The following SLC35F4 variants were observed in gnomAD, a reference collection of about 807,000 sequenced individuals.
The protein encoded by SLC35F4 is chromosome 14 open reading frame 36.
A neutral mutation model predicts 44.2 loss-of-function variants in SLC35F4; 24 were observed. That is an observed-to-expected ratio of 0.54 (90% CI 0.39 to 0.76). The LOEUF (loss-of-function observed/expected upper bound fraction) is 0.76, where lower values mean the gene tolerates loss of function less well. SLC35F4 is among the 30% of genes least tolerant of loss of function. The pLI, the probability that SLC35F4 is intolerant of heterozygous loss-of-function variation, is 0.00. For missense variants in SLC35F4, 562 were observed against 586.1 expected (o/e 0.96, Z 0.42); for synonymous variants, 238 against 223.6 (o/e 1.06, Z -0.57).
At chr14:57,912,924 T>C (rs1008103417) in intron 1 of SLC35F4, among the ~76,000 whole-genome samples, 1 of 152,120 alleles carries the variant, frequency 6.6e-6, no homozygotes, top group African/African-American at 2.4e-5. Flanking sequence ...TCGGTTTCTT[T>C]CCTCACATAT....
At chr14:57,705,727 T>C (rs1040380000) in intron 1 of SLC35F4, among the ~76,000 whole-genome samples, 2 of 152,212 alleles carry the variant, frequency 1.3e-5, no homozygotes, top group African/African-American at 4.8e-5. Flanking sequence ...TCACCATCCC[T>C]TACTGGTCCT....
chr14:57,605,519 A>G (rs554596869), intron 1 of SLC35F4, among the ~76,000 whole-genome samples: 59 of 152,334 alleles, frequency 3.9e-4, no homozygotes, highest in African/African-American at 1.3e-3. Flanking sequence ...AATGCAAATC[A>G]GTTCAATCAC....
chr14:57,780,005 T>C (rs1273271846), intron 1 of SLC35F4, among the ~76,000 whole-genome samples: 2 of 152,096 alleles, frequency 1.3e-5, no homozygotes, highest in African/African-American at 2.4e-5. Context: ...CTAGAAGCAT[T>C]CCCCTTGAAA....
At chr14:57,851,794 G>A (rs1460417411) in intron 1 of SLC35F4, among the ~76,000 whole-genome samples, 1 of 152,178 alleles carries the variant, frequency 6.6e-6, no homozygotes, top group Non-Finnish European at 1.5e-5. Context: ...ACGCACCAGT[G>A]TTGGTTTCTT....
At chr14:57,673,855 A>G (rs752395891) in intron 1 of SLC35F4, among the ~76,000 whole-genome samples, 2 of 152,092 alleles carry the variant, frequency 1.3e-5, no homozygotes, top group Non-Finnish European at 2.9e-5. Flanking sequence ...TCATTATTGT[A>G]CACCACTAGC....
rs564736192 is a variant in SLC35F4, at chr14:57,693,287, G to A, written c.104-99163C>T. 5.3e-5 allele frequency among the ~76,000 whole-genome samples: 8 copies of A among 152,256 alleles called. No individual in the cohort carries two copies. The South Asian group carries it at 1.0e-3, about 20-fold the overall frequency. ...AACAATAAAATATTATTTGTTGTTGGTAATAGGCCCCCAAAATCTGGCCAT... is the reference window on the plus strand; with the variant it reads ...AACAATAAAATATTATTTGTTGTTGATAATAGGCCCCCAAAATCTGGCCAT... On this transcript the variant is annotated intron_variant, in intron 1 of 7. Transcript: ENST00000556826.
At chr14:57,729,671 G>A (rs765081340) in intron 1 of SLC35F4, among the ~76,000 whole-genome samples, 1 of 152,132 alleles carries the variant, frequency 6.6e-6, no homozygotes, top group Non-Finnish European at 1.5e-5. Flanking sequence ...GCCTGGGACT[G>A]GGGGAGGGAT....
At chr14:57,760,276 G>C (rs949683985) in intron 1 of SLC35F4, among the ~76,000 whole-genome samples, 17 of 152,046 alleles carry the variant, frequency 1.1e-4, no homozygotes, top group African/African-American at 3.9e-4. Flanking sequence ...AACATAATTT[G>C]TTGGCAATAT....
intron 1 of SLC35F4, among the ~76,000 whole-genome samples, chr14:57,770,054 T>C (rs1428608588): frequency 6.6e-6 from 1 of 152,156 alleles, no homozygotes; most frequent in East Asian, 1.9e-4. Context: ...ATTTAAACTC[T>C]GTTAAGAACA....
At chr14:57,833,487 T>A (rs1884590160) in intron 1 of SLC35F4, among the ~76,000 whole-genome samples, 1 of 152,170 alleles carries the variant, frequency 6.6e-6, no homozygotes, top group South Asian at 2.1e-4. Flanking sequence ...CTGGGCTCTG[T>A]CCCAGAATGA....
intron 7 of SLC35F4, among the ~76,000 whole-genome samples, chr14:57,566,020 T>C (rs969913418): frequency 2.0e-5 from 3 of 152,196 alleles, no homozygotes; most frequent in East Asian, 1.9e-4. Flanking sequence ...TTTTTCCTTA[T>C]ATCTATTCCA....
chr14:57,753,124 G>A (rs866975505), intron 1 of SLC35F4, among the ~76,000 whole-genome samples: 13 of 152,316 alleles, frequency 8.5e-5, no homozygotes, highest in African/African-American at 1.7e-4. Flanking sequence ...TTGGGGCTGC[G>A]CCTGTGGCCT....
chr14:57,980,016 G>A (rs964931263), intron 1 of SLC35F4, among the ~76,000 whole-genome samples: 3 of 152,058 alleles, frequency 2.0e-5, no homozygotes, highest in Admixed American at 1.3e-4. Flanking sequence ...TCACCCACTC[G>A]GTTCCTAAAA....
intron 1 of SLC35F4, among the ~76,000 whole-genome samples, chr14:57,836,786 A>G (rs1884979026): frequency 6.6e-6 from 1 of 152,120 alleles, no homozygotes; most frequent in Non-Finnish European, 1.5e-5. Context: ...CCCTTCCTGA[A>G]TTACTTTAAG....
At chr14:57,574,841 A>G (rs927459873) in intron 4 of SLC35F4, among the ~76,000 whole-genome samples, 11 of 152,154 alleles carry the variant, frequency 7.2e-5, no homozygotes, top group Admixed American at 3.3e-4. Flanking sequence ...CTAAGCACGT[A>G]TCAGTCACAC....
chr14:57,637,029 C>T (rs2073042556), intron 1 of SLC35F4, among the ~76,000 whole-genome samples: 2 of 152,160 alleles, frequency 1.3e-5, no homozygotes, highest in South Asian at 4.2e-4. Flanking sequence ...AGTGCTTCAT[C>T]CCTGAATGAA....
chr14:57,809,457 G>T (rs867047621), intron 1 of SLC35F4, among the ~76,000 whole-genome samples: 1 of 152,114 alleles, frequency 6.6e-6, no homozygotes, highest in South Asian at 2.1e-4. Flanking sequence ...AGAAGAAGCA[G>T]ACTCCACGAC....
chr14:57,685,075 T>C (rs965479529), intron 1 of SLC35F4, among the ~76,000 whole-genome samples: 14 of 152,266 alleles, frequency 9.2e-5, no homozygotes, highest in African/African-American at 3.4e-4. Flanking sequence ...AAAGAGTATA[T>C]AAATATAAAT....
chr14:57,568,198 A>G (rs569653525), intron 6 of SLC35F4, among the ~76,000 whole-genome samples: 2 of 152,312 alleles, frequency 1.3e-5, no homozygotes, highest in East Asian at 3.9e-4. Flanking sequence ...TTGGCACTGT[A>G]CCCAGTGGAG....
Sources: gnomAD v4.1 joint callset for allele counts (sites outside exome capture counted in the v4.1 genomes callset) on GRCh38, gnomAD v4.1.1 for gene constraint, MANE v1.5 for transcripts, NCBI Gene and HGNC (gene_info 2026-07-23, HGNC 2026-07-21) for gene names.